Variants in DPF3 observed in about 807,000 individuals in gnomAD.
The protein encoded by DPF3 is double PHD fingers 3.
DPF3 carries 18 observed loss-of-function variants against 56.8 expected under a neutral mutation model. The observed-to-expected ratio is 0.32, with a 90% confidence interval of 0.22 to 0.47. The LOEUF (loss-of-function observed/expected upper bound fraction) is 0.47. Among genes scored for constraint, DPF3 ranks in the 20% least tolerant of loss-of-function variants. DPF3 has a pLI of 1.00. For missense variants in DPF3, 403 were observed against 488.8 expected (o/e 0.82, Z 1.65); for synonymous variants, 188 against 180.2 (o/e 1.04, Z -0.35).
chr14:72,780,029 G>C (rs1278282604), intron 1 of DPF3, among the ~76,000 whole-genome samples: 1 of 152,224 alleles, frequency 6.6e-6, no homozygotes, highest in Non-Finnish European at 1.5e-5. Context: ...CCAAAGCCTA[G>C]TACATGCTGG....
At chr14:72,814,013 C>T (rs367949055) in intron 1 of DPF3, among the ~76,000 whole-genome samples, 241 of 152,342 alleles carry the variant, frequency 1.6e-3, no homozygotes, top group Middle Eastern at 6.8e-3. Flanking sequence ...ACCCCACCCA[C>T]CTTTCCCCAT....
At chr14:72,626,529 C>G (rs1388130890) in intron 9 of DPF3, among the ~76,000 whole-genome samples, 2 of 152,096 alleles carry the variant, frequency 1.3e-5, no homozygotes, top group Non-Finnish European at 2.9e-5. Context: ...TTTTTTACAG[C>G]TGTATAGTAC....
intron 7 of DPF3, among the ~76,000 whole-genome samples, chr14:72,690,628 C>T (rs752643785): frequency 6.6e-6 from 1 of 151,670 alleles, no homozygotes; most frequent in Non-Finnish European, 1.5e-5. Context: ...CACACACACA[C>T]ATACACGCAC....
At chr14:72,735,718 A>G (rs1889863650) in intron 3 of DPF3, among the ~76,000 whole-genome samples, 1 of 152,228 alleles carries the variant, frequency 6.6e-6, no homozygotes, top group Non-Finnish European at 1.5e-5. Context: ...GTCAATCCCT[A>G]GCCTTGCCAC....
At chr14:72,690,665 G>A (rs1490523953) in intron 7 of DPF3, among the ~76,000 whole-genome samples, 6 of 151,422 alleles carry the variant, frequency 4.0e-5, no homozygotes, top group African/African-American at 9.7e-5. Context: ...ACACACACCC[G>A]GCTCATAATG....
At position 72,617,348 on chromosome 14, in the gene DPF3, C is replaced by T. The variant is rs1029835199; in HGVS notation, c.*1949G>A. ...CCAATTATTAGCCTTTGGAGACAGC[C>T]TGCTTTGGGTTTTGTGGGAAGAGAG... On this transcript the variant is annotated 3_prime_UTR_variant, in exon 11 of 11. Coordinates refer to ENST00000556509, the MANE Select transcript of DPF3 (RefSeq NM_001280542.3). Among the ~76,000 whole-genome samples, 2 of 152,054 alleles carry T rather than the reference C, an allele frequency of 1.3e-5. No homozygotes were observed. Among genetic ancestry groups the T allele is most frequent in the Non-Finnish European group, 2.9e-5 (2 of 68,028 alleles).
At chr14:72,657,431 A>T (rs954071744) in intron 8 of DPF3, among the ~76,000 whole-genome samples, 1 of 152,142 alleles carries the variant, frequency 6.6e-6, no homozygotes, top group African/African-American at 2.4e-5. Flanking sequence ...TGCAGTTTGG[A>T]CTCTGTACCA....
At chr14:72,849,414 C>T (rs1347085409) in intron 1 of DPF3, among the ~76,000 whole-genome samples, 1 of 152,202 alleles carries the variant, frequency 6.6e-6, no homozygotes, top group African/African-American at 2.4e-5. Context: ...GCTGCCCCGG[C>T]TGCCTCCTTG....
At chr14:72,751,551 C>T (rs552513347) in intron 3 of DPF3, among the ~76,000 whole-genome samples, 2 of 152,256 alleles carry the variant, frequency 1.3e-5, no homozygotes, top group South Asian at 2.1e-4. Flanking sequence ...CTGATCAATA[C>T]GGTCACCACT....
chr14:72,696,684 GCTCCCTCTAT>G (rs1353801259), intron 6 of DPF3, among the ~76,000 whole-genome samples: 1 of 152,174 alleles, frequency 6.6e-6, no homozygotes, highest in Non-Finnish European at 1.5e-5. Flanking sequence ...TAAGCAAAAA[GCTCCCTCTAT>G]CTCCTTCCCC....
chr14:72,669,372 T>C (rs1361019994), intron 8 of DPF3, among the ~76,000 whole-genome samples: 1 of 152,200 alleles, frequency 6.6e-6, no homozygotes, highest in Non-Finnish European at 1.5e-5. Context: ...AACTGTGCAC[T>C]CCTGGAGGCA....
At chr14:72,858,383 C>A (rs1254294426) in intron 1 of DPF3, among the ~76,000 whole-genome samples, 1 of 140,816 alleles carries the variant, frequency 7.1e-6, no homozygotes, top group Non-Finnish European at 1.6e-5. Flanking sequence ...ATGGCTAAAT[C>A]CCACAGGCTA....
intron 1 of DPF3, among the ~76,000 whole-genome samples, chr14:72,808,542 A>T (rs551193430): frequency 5.3e-5 from 8 of 152,334 alleles, no homozygotes; most frequent in Admixed American, 3.3e-4. Context: ...CGAACTTTGC[A>T]TTCCAAGGAC....
At chr14:72,807,598 G>C (rs1882840838) in intron 1 of DPF3, among the ~76,000 whole-genome samples, 1 of 152,196 alleles carries the variant, frequency 6.6e-6, no homozygotes, top group African/African-American at 2.4e-5. Context: ...CCAGAACTTG[G>C]GGAGGCCAAG....
intron 8 of DPF3, among the ~76,000 whole-genome samples, chr14:72,635,594 C>T (rs927366023): frequency 6.6e-6 from 1 of 152,206 alleles, no homozygotes; most frequent in Non-Finnish European, 1.5e-5. Context: ...GAGAAAATAT[C>T]TAAATATACC....
rs1244537633 is a variant in DPF3, at chr14:72,610,407, G to T, written c.*8890C>A. 6.6e-6 allele frequency among the ~76,000 whole-genome samples: 1 copy of T among 152,166 alleles called. No individual in the cohort carries two copies. Among genetic ancestry groups the T allele is most frequent in the Non-Finnish European group, 1.5e-5 (1 of 68,024 alleles). On this transcript the variant is annotated 3_prime_UTR_variant, in exon 11 of 11. Coordinates refer to ENST00000556509, the MANE Select transcript of DPF3 (RefSeq NM_001280542.3). ...AGAGGAATCCCAGCGTTCACAAATG[G>T]AGGCGCCCTCACCAAAGCCACTGGA...
intron 1 of DPF3, among the ~76,000 whole-genome samples, chr14:72,840,908 C>T (rs953093009): frequency 6.6e-6 from 1 of 152,278 alleles, no homozygotes; most frequent in Non-Finnish European, 1.5e-5. Context: ...CCTTAAAATT[C>T]TCCTTAGAAG....
intron 6 of DPF3, among the ~76,000 whole-genome samples, chr14:72,712,206 G>A (rs900372322): frequency 6.6e-6 from 1 of 152,190 alleles, no homozygotes; most frequent in Non-Finnish European, 1.5e-5. Context: ...ACAGAAGGTG[G>A]GAGAGAGCCT....
At chr14:72,624,163 T>C (rs1884652413) in intron 9 of DPF3, among the ~76,000 whole-genome samples, 1 of 152,100 alleles carries the variant, frequency 6.6e-6, no homozygotes, top group Non-Finnish European at 1.5e-5. Context: ...AATTTTAAAC[T>C]TAGAGAAAAG....
Sources: gnomAD v4.1 joint callset for allele counts (sites outside exome capture counted in the v4.1 genomes callset) on GRCh38, gnomAD v4.1.1 for gene constraint, MANE v1.5 for transcripts, NCBI Gene and HGNC (gene_info 2026-07-23, HGNC 2026-07-21) for gene names.